The following GYG2 variants were observed in gnomAD, a reference collection of about 807,000 sequenced individuals.
GYG2 encodes the protein glycogenin-2.
GYG2 carries 29 observed loss-of-function variants against 29.4 expected under a neutral mutation model. The ratio of observed to expected loss-of-function variants is 0.99; its 90% confidence interval spans 0.74 to 1.35. The LOEUF (loss-of-function observed/expected upper bound fraction) is 1.35. GYG2 is among the 40% of genes most tolerant of loss of function. GYG2 has a pLI of 0.00. For synonymous variants in GYG2, 167 were observed against 172.3 expected (o/e 0.97, Z 0.24); for missense variants, 370 against 385.7 (o/e 0.96, Z 0.34).
At chrX:2,866,084 C>T (rs1364596195) in intron 8 of GYG2, among the ~76,000 whole-genome samples, 1 of 112,204 alleles carries the variant, frequency 8.9e-6, no homozygotes, top group Admixed American at 9.5e-5. Context: ...CCATCATTTG[C>T]AGCAACATGG....
intron 8 of GYG2, among the ~76,000 whole-genome samples, chrX:2,871,199 G>T (rs958561314): frequency 9.1e-6 from 1 of 109,364 alleles, no homozygotes; most frequent in Non-Finnish European, 1.9e-5. Context: ...CATTGGTCCT[G>T]ATTATTAATA....
In GYG2 at chrX:2,882,342, T is replaced by G. The variant is rs2088735484; in HGVS notation, c.*1129T>G. The stretch of plus-strand genomic sequence containing the variant: ...TTCCAGGGAAAAGCAGAGAGTAAAT[T>G]AGAGACGGGATAGGAAGGCCGTGGG... On this transcript the variant is annotated 3_prime_UTR_variant, in exon 11 of 11. Transcript: ENST00000398806. 9.0e-6 allele frequency: 1 copy of G among 110,985 alleles called. No homozygotes were observed. The highest frequency in any genetic ancestry group is 3.3e-5 in the African/African-American group (1 of 30,494). 9.1% of individuals were successfully genotyped at this position (110,985 alleles called of 1,213,427 possible).
At chrX:2,833,466 A>G (rs1479645768) in intron 2 of GYG2, among the ~76,000 whole-genome samples, 1 of 111,396 alleles carries the variant, frequency 9.0e-6, no homozygotes, top group Non-Finnish European at 1.9e-5. Context: ...TGAGGTCCCC[A>G]TGAAGAGCTA....
rs2088707431 is a variant in GYG2 at position 2,880,996 on chromosome X, T to C, written c.1252-56T>C. On this transcript the variant is annotated intron_variant, in intron 10 of 10. Coordinates refer to ENST00000398806, the MANE Select transcript of GYG2 (RefSeq NM_001079855.2). ...CTACACTGGATGGGTTTTAGCAGTC[T>C]TTCCCTCGATAATGGACAGCTGCAA... 3.6e-6 allele frequency: 4 copies of C among 1,123,735 alleles called. No individual in the cohort carries two copies. The Admixed American group carries it at 6.9e-5, about 19-fold the overall frequency. 92.6% of individuals were successfully genotyped at this position (1,123,735 alleles called of 1,213,427 possible).
At chrX:2,866,566 T>C (rs750181044) in intron 8 of GYG2, among the ~76,000 whole-genome samples, 1 of 111,360 alleles carries the variant, frequency 9.0e-6, no homozygotes, top group Non-Finnish European at 1.9e-5. Context: ...TGTTAAAGGA[T>C]ACAAAATTAC....
intron 6 of GYG2, among the ~76,000 whole-genome samples, chrX:2,859,151 C>T (rs1429805289): frequency 9.0e-6 from 1 of 111,520 alleles, no homozygotes; most frequent in Non-Finnish European, 1.9e-5. Context: ...ATGCTGATAG[C>T]AGTGGAGTAG....
At chrX:2,853,946 C>G (rs776842770) in intron 3 of GYG2, 34 bp from the exon 4 acceptor site, 1 of 1,083,296 alleles carries the variant, frequency 9.2e-7, no homozygotes, top group African/African-American at 1.8e-5. Flanking sequence ...AATATTCACC[C>G]GCTGTCCCAC....
At chrX:2,860,643 CTTTT>C (rs140288633) in intron 7 of GYG2, among the ~76,000 whole-genome samples, 32 of 80,385 alleles carry the variant, frequency 4.0e-4, no homozygotes, top group Non-Finnish European at 3.8e-4. Context: ...AAAACTTGAG[CTTTT>C]TTTTTTTTTT....
intron 2 of GYG2, among the ~76,000 whole-genome samples, chrX:2,837,954 C>T (rs1408802750): frequency 9.1e-6 from 1 of 109,790 alleles, no homozygotes. Flanking sequence ...TTATATCTCA[C>T]TGCAGCCTCC....
intron 3 of GYG2, among the ~76,000 whole-genome samples, chrX:2,846,036 C>CACATATATATATATATAT (rs1199380183): frequency 1.0e-3 from 34 of 33,055 alleles, no homozygotes; most frequent in Admixed American, 2.0e-3. Flanking sequence ...TATATATACA[C>CACATATATATATATATAT]ATATATATAT....
At chrX:2,848,028 A>C (rs1010919767) in intron 3 of GYG2, among the ~76,000 whole-genome samples, 2 of 112,216 alleles carry the variant, frequency 1.8e-5, no homozygotes, top group African/African-American at 6.5e-5. Context: ...GTGTAAATTA[A>C]ACAAGATGGA....
intron 2 of GYG2, among the ~76,000 whole-genome samples, chrX:2,831,710 CTT>C (rs1270452919): frequency 8.9e-6 from 1 of 111,907 alleles, no homozygotes; most frequent in East Asian, 2.8e-4. Flanking sequence ...AGACTCAACT[CTT>C]TGCAGAAAAC....
Position 2,881,217 on chromosome X carries a change from G to A in GYG2, c.*4G>A, listed in dbSNP as rs766537885. ...GCTGGACCGGTTCCTGCAGTAATCC[G>A]GCAGCTGGTGGGCGTTGTGTGTAGT... On this transcript the variant is annotated 3_prime_UTR_variant, in exon 11 of 11. Transcript: ENST00000398806. The A allele has an allele frequency of 6.8e-6, 8 of 1,169,379 alleles. No individual in the cohort carries two copies. In the African/African-American group the frequency reaches 8.8e-5, roughly 13 times the overall value.
chrX:2,831,495 C>T (rs1266230854), intron 2 of GYG2, among the ~76,000 whole-genome samples: 1 of 111,831 alleles, frequency 8.9e-6, no homozygotes, highest in African/African-American at 3.3e-5. Flanking sequence ...ATTGTCGGGG[C>T]AGGGATCTTA....
At position 2,856,595 on chromosome X, in the gene GYG2, G is replaced by T; in HGVS notation, c.585G>T (p.Thr195=). The T allele has an allele frequency of 8.3e-7, 1 of 1,206,136 alleles. No homozygotes were observed. The highest frequency in any genetic ancestry group is 1.1e-6 in the Non-Finnish European group (1 of 891,654). Residue 195 remains threonine, a synonymous_variant, in exon 6 of 11, where the codon ACG becomes ACT. Coordinates refer to ENST00000398806, the MANE Select transcript of GYG2 (RefSeq NM_001079855.2). The part of the protein sequence containing the change: ...LPFIYNLSSN[T]MYTYSPAFKQ... The stretch of plus-strand genomic sequence containing the variant: ...TCATCTATAACTTGAGTAGTAACAC[G>T]ATGTACACTTACAGCCCTGCCTTCA...
intron 2 of GYG2, among the ~76,000 whole-genome samples, chrX:2,836,986 A>G (rs780189359): frequency 9.9e-5 from 11 of 111,046 alleles, no homozygotes; most frequent in Non-Finnish European, 1.9e-4. Flanking sequence ...CACCACCACA[A>G]CGTAATGAAC....
At chrX:2,868,813 C>G (rs996646841) in intron 8 of GYG2, among the ~76,000 whole-genome samples, 14 of 110,941 alleles carry the variant, frequency 1.3e-4, no homozygotes, top group African/African-American at 4.3e-4. Context: ...ATCCTGCACA[C>G]GTATCCCAGA....
chrX:2,831,899 A>G (rs2087272000), intron 2 of GYG2, among the ~76,000 whole-genome samples: 1 of 112,055 alleles, frequency 8.9e-6, no homozygotes, highest in African/African-American at 3.2e-5. Context: ...ATTTTGTGAC[A>G]ATGTCTCCTT....
At chrX:2,845,877 TA>T (rs1486538047) in intron 3 of GYG2, among the ~76,000 whole-genome samples, 3 of 99,804 alleles carry the variant, frequency 3.0e-5, no homozygotes, top group Non-Finnish European at 4.0e-5. Context: ...GATTTAAATT[TA>T]AAATATATAT....
Sources: gnomAD v4.1 joint callset for allele counts (sites outside exome capture counted in the v4.1 genomes callset) on GRCh38, gnomAD v4.1.1 for gene constraint, MANE v1.5 for transcripts, NCBI Gene and HGNC (gene_info 2026-07-23, HGNC 2026-07-21) for gene names.